PDE6G: variants seen among roughly 807,000 people sequenced by gnomAD.
The protein encoded by PDE6G is rod cGMP 3',5'-cyclic phosphodiesterase subunit gamma.
PDE6G carries 10 observed loss-of-function variants against 10.9 expected under a neutral mutation model. The observed-to-expected ratio is 0.91, with a 90% CI of 0.56 to 1.55. The LOEUF (loss-of-function observed/expected upper bound fraction) is 1.55. PDE6G is among the 40% of genes most tolerant of loss of function. PDE6G has a pLI of 0.00. For missense variants in PDE6G, 102 were observed against 110.1 expected (o/e 0.93, Z 0.33); for synonymous variants, 41 against 42.8 (o/e 0.96, Z 0.16).
chr17:81,657,836 G>A (rs12938981), upstream of PDE6G, among the ~76,000 whole-genome samples: 13,176 of 151,688 alleles, frequency 0.087, 826 homozygotes, highest in East Asian at 0.21. Flanking sequence ...AGCCGAGATC[G>A]CGCCACCGCA....
In PDE6G at chr17:81,653,244, AC is replaced by A. The variant is rs1568186635; in HGVS notation, c.61del (p.Val21SerfsTer73). ...TTTAGGGGGCCCTTTCCTGGGGGTG[AC>A]AGGTCCCCCGGCCACCCTGGTGGCT... is the stretch of plus-strand genomic sequence containing the variant. ...RSATRVAGGPVTPRKGPPKFK... is the reference protein window; with the variant it reads ...RSATRVAGGPXTPRKGPPKFK... On this transcript the variant is annotated frameshift_variant, in exon 2 of 4. Coordinates refer to ENST00000331056, the MANE Select transcript of PDE6G (RefSeq NM_002602.4). LOFTEE classifies it high-confidence loss of function. The surrounding 1 kb of genome is among the most constrained non-coding windows in gnomAD (Gnocchi z 5.2). 6.2e-7 allele frequency: 1 copy of A among 1,613,852 alleles called. No individual in the cohort carries two copies. The highest frequency in any genetic ancestry group is 1.3e-5 in the African/African-American group (1 of 74,874).
chr17:81,652,220 G>A (rs560041227), intron 2 of PDE6G, among the ~76,000 whole-genome samples: 6 of 152,326 alleles, frequency 3.9e-5, no homozygotes. Flanking sequence ...GTGCGCATGT[G>A]TGAGTGGACA....
At chr17:81,652,666 C>T (rs1014636719) in intron 2 of PDE6G, among the ~76,000 whole-genome samples, 4 of 151,828 alleles carry the variant, frequency 2.6e-5, no homozygotes, top group African/African-American at 7.3e-5. Flanking sequence ...ACCTCTGCCT[C>T]CTGGATTCAA....
chr17:81,660,833 TATCTACAG>T (rs565518169), upstream of PDE6G, among the ~76,000 whole-genome samples: 87 of 152,302 alleles, frequency 5.7e-4, no homozygotes, highest in South Asian at 4.1e-3. Flanking sequence ...TTGTGTTCTC[TATCTACAG>T]GCTAAGCAGA....
Position 81,653,507 on chromosome 17 carries a change from G to T in PDE6G, c.-59-143C>A, listed in dbSNP as rs899745226. ...ACAGCAGCCCCTGCAATCCGCCCTGGGGTAACCAGCCTGCCAGCTTTGCTT... is the reference window on the plus strand; with the variant it reads ...ACAGCAGCCCCTGCAATCCGCCCTGTGGTAACCAGCCTGCCAGCTTTGCTT... On this transcript the variant is annotated intron_variant, in intron 1 of 3. Transcript: ENST00000331056. The surrounding 1 kb of genome is among the most constrained non-coding windows in gnomAD (Gnocchi z 5.2). 16 of 621,876 alleles carry T rather than the reference G, an allele frequency of 2.6e-5. No individual in the cohort carries two copies. Among genetic ancestry groups the T allele is most frequent in the African/African-American group, 2.2e-4 (12 of 54,362 alleles). The allele number at this position is 621,876 out of a possible 1,614,324, so 38.5% of individuals were successfully genotyped here.
Position 81,651,297 on chromosome 17 carries a change from G to A in PDE6G, c.188-147C>T. On this transcript the variant is annotated intron_variant, in intron 3 of 3. Transcript: ENST00000331056. This position sits in a 1 kb window ranked among gnomAD's most constrained non-coding sequence, Gnocchi z 4.8. ...GGACGCTGGAGTGGGGCCCTCCTCT[G>A]GGGACACACTGGCTGTGGGGGAAGG... 4 of 690,100 alleles carry A rather than the reference G, an allele frequency of 5.8e-6. 1 individual carries two copies. In the South Asian group the frequency reaches 6.4e-5, roughly 11 times the overall value. 42.7% of individuals were successfully genotyped at this position (690,100 alleles called of 1,614,324 possible). A position where few individuals can be genotyped will look rare whatever the true frequency, so the allele number is the denominator to read the frequency against.
At chr17:81,660,690 C>CT (rs1416896825), upstream of PDE6G, among the ~76,000 whole-genome samples, 1 of 152,194 alleles carries the variant, frequency 6.6e-6, no homozygotes, top group East Asian at 1.9e-4. Flanking sequence ...TAGAGTCTCA[C>CT]TATGTTGCCC....
intron 1 of PDE6G, among the ~76,000 whole-genome samples, chr17:81,655,201 T>G (rs1169156011): frequency 1.3e-5 from 2 of 152,158 alleles, no homozygotes; most frequent in Admixed American, 6.5e-5. Flanking sequence ...GCAGTGCTGA[T>G]GGAGAATGAC....
In PDE6G at chr17:81,651,268, G is replaced by T; in HGVS notation, c.188-118C>A. ...GCCCTACAGTGTGCTGAGCGGGGAC[G>T]TGCGGACGCTGGAGTGGGGCCCTCC... On this transcript the variant is annotated intron_variant, in intron 3 of 3. Coordinates refer to ENST00000331056, the MANE Select transcript of PDE6G (RefSeq NM_002602.4). The surrounding 1 kb of genome is among the most constrained non-coding windows in gnomAD (Gnocchi z 4.8). 3.9e-6 allele frequency: 3 copies of T among 771,846 alleles called. No homozygotes were observed. Among genetic ancestry groups the T allele is most frequent in the Non-Finnish European group, 6.7e-6 (3 of 444,698 alleles). 47.8% of individuals were successfully genotyped at this position (771,846 alleles called of 1,614,324 possible).
At position 81,653,254 on chromosome 17, in the gene PDE6G, C is replaced by T. The variant is rs769825057; in HGVS notation, c.52G>A (p.Gly18Arg). 8.1e-6 allele frequency: 13 copies of T among 1,613,996 alleles called. No homozygotes were observed. The highest frequency in any genetic ancestry group is 1.3e-5 in the African/African-American group (1 of 74,938). The stretch of plus-strand genomic sequence containing the variant: ...CCTTTCCTGGGGGTGACAGGTCCCC[C>T]GGCCACCCTGGTGGCTGACCGGAAC... ...AEFRSATRVA[G>R]GPVTPRKGPP... Residue 18 changes from glycine to arginine, a missense_variant, in exon 2 of 4, where the codon GGG becomes AGG. Gly to Arg is a moderately radical substitution (Grantham distance 125, BLOSUM62 -2). Transcript: ENST00000331056. This position sits in a 1 kb window ranked among gnomAD's most constrained non-coding sequence, Gnocchi z 5.2.
rs2036387642 is a variant in PDE6G at position 81,653,097 on chromosome 17, T to G, written c.146+63A>C. The G allele has an allele frequency of 1.9e-5, 23 of 1,237,872 alleles. No individual in the cohort carries two copies. The highest frequency in any genetic ancestry group is 1.3e-5 in the Non-Finnish European group (12 of 889,674). 76.7% of individuals were successfully genotyped at this position (1,237,872 alleles called of 1,614,324 possible). A position where few individuals can be genotyped will look rare whatever the true frequency, so the allele number is the denominator to read the frequency against. On this transcript the variant is annotated intron_variant, in intron 2 of 3. Coordinates refer to ENST00000331056, the MANE Select transcript of PDE6G (RefSeq NM_002602.4). This position sits in a 1 kb window ranked among gnomAD's most constrained non-coding sequence, Gnocchi z 5.2. ...CCCCAGGCTCTGCCCCGCCCTCCCCTTCCTGTGCAGCCTCAGGACCGCCTC... is the reference window on the plus strand; with the variant it reads ...CCCCAGGCTCTGCCCCGCCCTCCCCGTCCTGTGCAGCCTCAGGACCGCCTC...
Position 81,651,598 on chromosome 17 carries a change from T to TG in PDE6G, c.187+46dup, listed in dbSNP as rs760726888. 7.5e-6 allele frequency: 12 copies of TG among 1,591,642 alleles called. No homozygotes were observed. The highest frequency in any genetic ancestry group is 1.7e-4 in the Middle Eastern group (1 of 6,060). On this transcript the variant is annotated intron_variant, in intron 3 of 3. Coordinates refer to ENST00000331056, the MANE Select transcript of PDE6G (RefSeq NM_002602.4). The surrounding 1 kb of genome is among the most constrained non-coding windows in gnomAD (Gnocchi z 4.8). ...GGGCCCCGGGCGTGCTGGGTGTGCC[T>TG]GGGGGGACCTGGGCAGACCTCGGGT...
chr17:81,654,328 TAGCCCTGATTCC>T lies in PDE6G; in HGVS notation c.-59-976_-59-965del, dbSNP rs200468992. On this transcript the variant is annotated intron_variant, in intron 1 of 3. Coordinates refer to ENST00000331056, the MANE Select transcript of PDE6G (RefSeq NM_002602.4). Reference sequence around the variant, plus strand: ...TGCCGCTTCTCATCACGCGTCGAGTTAGCCCTGATTCCAGGCTGGTGGGCGTCTCCCGGGCTG... The same window carrying T: ...TGCCGCTTCTCATCACGCGTCGAGTTAGGCTGGTGGGCGTCTCCCGGGCTG... Among the ~76,000 whole-genome samples, 837 of 151,930 alleles carry T rather than the reference TAGCCCTGATTCC, an allele frequency of 5.5e-3. 9 individuals carry two copies. The highest frequency in any genetic ancestry group is 0.019 in the African/African-American group (785 of 41,386).
Position 81,651,029 on chromosome 17 carries a change from C to T in PDE6G, c.*45G>A, listed in dbSNP as rs8477. On this transcript the variant is annotated 3_prime_UTR_variant, in exon 4 of 4. Coordinates refer to ENST00000331056, the MANE Select transcript of PDE6G (RefSeq NM_002602.4). The surrounding 1 kb of genome is among the most constrained non-coding windows in gnomAD (Gnocchi z 4.8). Reference sequence around the variant, plus strand: ...GGAATCCTGAGCAGGGTTTAGAGCACAGTGGGCAGGAGGGGGAGGGTCTGG... The same window carrying T: ...GGAATCCTGAGCAGGGTTTAGAGCATAGTGGGCAGGAGGGGGAGGGTCTGG... The T allele has an allele frequency of 0.4, 544,433 of 1,367,448 alleles. 119,457 individuals are homozygous for T. Among genetic ancestry groups the T allele is most frequent in the East Asian group, 0.75 (32,964 of 43,666 alleles). The allele number at this position is 1,367,448 out of a possible 1,614,324, so 84.7% of individuals were successfully genotyped here.
upstream of PDE6G, chr17:81,656,801 G>A: frequency 3.3e-6 from 2 of 611,668 alleles, no homozygotes; most frequent in East Asian, 2.8e-5. Flanking sequence ...AGCAACCACA[G>A]TGTCTGCTGT....
In PDE6G at chr17:81,650,954, C is replaced by G; in HGVS notation, c.*120G>C. The G allele has an allele frequency of 1.3e-6, 1 of 770,730 alleles. No individual in the cohort carries two copies. 47.7% of individuals were successfully genotyped at this position (770,730 alleles called of 1,614,324 possible). ...TAGGGGGAGACCTGAGGTTGCAGTC[C>G]CATCCTGGTGTCCAGGTGCCATCTG... is the stretch of plus-strand genomic sequence containing the variant. On this transcript the variant is annotated 3_prime_UTR_variant, in exon 4 of 4. Transcript: ENST00000331056.
At chr17:81,658,337 G>A (rs2144411357), upstream of PDE6G, among the ~76,000 whole-genome samples, 1 of 151,440 alleles carries the variant, frequency 6.6e-6, no homozygotes. Context: ...GCCCACTTTG[G>A]CCTCCCGAAG....
rs374908637 is a variant in PDE6G, at chr17:81,653,117, C to G, written c.146+43G>C. ...TCCCCTTCCTGTGCAGCCTCAGGAC[C>G]GCCTCCTCCCTTTCAGAGGCCCCAT... On this transcript the variant is annotated intron_variant, in intron 2 of 3. Transcript: ENST00000331056. The surrounding 1 kb of genome is among the most constrained non-coding windows in gnomAD (Gnocchi z 5.2). The G allele has an allele frequency of 2.5e-6, 4 of 1,611,042 alleles. No homozygotes were observed. The highest frequency in any genetic ancestry group is 2.7e-5 in the African/African-American group (2 of 74,814).
upstream of PDE6G, among the ~76,000 whole-genome samples, chr17:81,657,348 C>T (rs2036459907): frequency 7.3e-6 from 1 of 136,822 alleles, no homozygotes. Flanking sequence ...GAGGCTATGC[C>T]CATCCTGAGG....
Sources: allele counts gnomAD v4.1 joint callset (sites outside exome capture counted in the v4.1 genomes callset), GRCh38; gene constraint gnomAD v4.1.1; non-coding constraint Gnocchi (gnomAD v3.1); transcripts MANE v1.5; gene names NCBI Gene and HGNC (gene_info 2026-07-23, HGNC 2026-07-21).